The following MAD1L1 variants were observed in gnomAD, a reference collection of about 807,000 sequenced individuals.
MAD1L1 encodes mitotic arrest deficient 1 like 1.
A neutral mutation model predicts 96.9 loss-of-function variants in MAD1L1; 95 were observed. That is an observed-to-expected ratio of 0.98 (90% CI 0.83 to 1.16). MAD1L1 has a LOEUF of 1.16. Ranked by LOEUF, MAD1L1 falls within the 50% of genes most tolerant of loss-of-function variation. The pLI is 0.00. For missense variants in MAD1L1, 1,007 were observed against 954.4 expected, an observed-to-expected ratio of 1.06 and a Z score of -0.73; for synonymous variants, 473 against 396.6, an observed-to-expected ratio of 1.19 and a Z score of -2.29.
intron 10 of MAD1L1, among the ~76,000 whole-genome samples, chr7:2,199,851 A>G (rs1411456153): frequency 1.3e-5 from 2 of 152,254 alleles, no homozygotes; most frequent in Non-Finnish European, 2.9e-5. Flanking sequence ...CATGCTGGCC[A>G]GCAGGGCCCA....
intron 13 of MAD1L1, among the ~76,000 whole-genome samples, chr7:2,007,972 T>C (rs1782111248): frequency 6.6e-6 from 1 of 152,208 alleles, no homozygotes; most frequent in Non-Finnish European, 1.5e-5. Context: ...ACACAGCAAC[T>C]GCAGGACTCT....
At chr7:2,047,747 G>A (rs139175105) in intron 12 of MAD1L1, among the ~76,000 whole-genome samples, 1 of 151,808 alleles carries the variant, frequency 6.6e-6, no homozygotes, top group Non-Finnish European at 1.5e-5. Flanking sequence ...GCACAGACAT[G>A]CACACTCACA....
intron 18 of MAD1L1, among the ~76,000 whole-genome samples, chr7:1,859,712 C>T (rs1373963053): frequency 6.6e-6 from 1 of 152,178 alleles, no homozygotes; most frequent in Non-Finnish European, 1.5e-5. Flanking sequence ...CCCTGCAGGG[C>T]TCCCTCTGTT....
intron 11 of MAD1L1, among the ~76,000 whole-genome samples, chr7:2,110,857 C>T (rs192709420): frequency 6.6e-6 from 1 of 152,302 alleles, no homozygotes; most frequent in East Asian, 1.9e-4. Context: ...CGTCTGCGCT[C>T]AGACCCCACC....
intron 17 of MAD1L1, among the ~76,000 whole-genome samples, chr7:1,925,087 C>T (rs1789015791): frequency 6.6e-6 from 1 of 152,030 alleles, no homozygotes; most frequent in Admixed American, 6.6e-5. Context: ...TAAAATGTAC[C>T]TAAATCCAAA....
rs370940485 is a variant in MAD1L1, at chr7:1,957,684, C to T, written c.1541G>A (p.Arg514Gln). The T allele has an allele frequency of 5.3e-5, 85 of 1,614,142 alleles. 2 individuals are homozygous for T. The South Asian group carries it at 7.4e-4, about 14-fold the overall frequency. The change falls in exon 16 of 19, where the codon CGG becomes CAG. Residue 514 changes from arginine (R) to glutamine (Q), a missense_variant. By Grantham distance (43) the Arg-to-Gln change is conservative (BLOSUM62 1). Transcript: ENST00000265854. ...KVEELEGERS[R>Q]LEEEKRMLEA... ...CAGCATCCTCTTTTCCTCCTCCAGC[C>T]GACTCCGCTCGCCTTCCAGCTCCTC... is the stretch of plus-strand genomic sequence containing the variant.
At chr7:1,955,872 C>T (rs1198944861) in intron 16 of MAD1L1, among the ~76,000 whole-genome samples, 1 of 151,874 alleles carries the variant, frequency 6.6e-6, no homozygotes, top group Middle Eastern at 3.2e-3. Context: ...GACTTGTGAC[C>T]TAAGTAGCTG....
chr7:1,875,832 T>A (rs1483741605), intron 18 of MAD1L1, among the ~76,000 whole-genome samples: 1 of 152,178 alleles, frequency 6.6e-6, no homozygotes, highest in African/African-American at 2.4e-5. Context: ...TGACTGTATT[T>A]GGAAATAGGA....
At chr7:2,081,354 C>T (rs989332136) in intron 11 of MAD1L1, among the ~76,000 whole-genome samples, 2 of 152,300 alleles carry the variant, frequency 1.3e-5, no homozygotes, top group Admixed American at 6.5e-5. Flanking sequence ...CAAACTGACG[C>T]GTAAAGGAAC....
At position 2,101,860 on chromosome 7, in the gene MAD1L1, C is replaced by G. The variant is rs563828962; in HGVS notation, c.1074-32522G>C. ...CACCATCACAGCCCAAGCTGGCCCA[C>G]GCCTGACACATGCTGGATAAACACA... is the stretch of plus-strand genomic sequence containing the variant. On this transcript the variant is annotated intron_variant, in intron 11 of 18. Transcript: ENST00000265854. 7.9e-5 allele frequency among the ~76,000 whole-genome samples: 12 copies of G among 152,292 alleles called. No individual in the cohort carries two copies. In the South Asian group the frequency reaches 2.5e-3, roughly 32 times the overall value.
intron 10 of MAD1L1, among the ~76,000 whole-genome samples, chr7:2,205,805 T>A (rs964746450): frequency 1.3e-5 from 2 of 152,190 alleles, no homozygotes; most frequent in Admixed American, 6.5e-5. Flanking sequence ...TTCATGTCCT[T>A]ATTTACCACC....
chr7:2,227,465 CAT>C (rs908342578), intron 3 of MAD1L1, among the ~76,000 whole-genome samples: 13 of 152,146 alleles, frequency 8.5e-5, no homozygotes, highest in African/African-American at 3.1e-4. Context: ...GGGGTGGTCA[CAT>C]GTGTCTGCTG....
At chr7:2,188,813 CA>C (rs530029722) in intron 10 of MAD1L1, among the ~76,000 whole-genome samples, 59 of 145,032 alleles carry the variant, frequency 4.1e-4, no homozygotes, top group Admixed American at 1.6e-3. Flanking sequence ...CAGATAACAG[CA>C]AAAAAAAAAT....
intron 16 of MAD1L1, among the ~76,000 whole-genome samples, chr7:1,951,061 G>A (rs142134735): frequency 3.6e-4 from 55 of 152,374 alleles, no homozygotes; most frequent in African/African-American, 1.2e-3. Context: ...TCCCAGACAC[G>A]TGGGCTTCAC....
intron 18 of MAD1L1, among the ~76,000 whole-genome samples, chr7:1,883,681 G>A (rs1461334022): frequency 1.3e-5 from 2 of 152,196 alleles, no homozygotes; most frequent in South Asian, 2.1e-4. Flanking sequence ...CTGGGGTCGC[G>A]GGGTCCAAAG....
intron 11 of MAD1L1, among the ~76,000 whole-genome samples, chr7:2,104,884 A>G (rs1787007994): frequency 6.6e-6 from 1 of 152,164 alleles, no homozygotes; most frequent in South Asian, 2.1e-4. Context: ...CCAACGTGCA[A>G]TGCAGGGTAG....
At chr7:2,052,667 A>G (rs1210926565) in intron 12 of MAD1L1, among the ~76,000 whole-genome samples, 1 of 152,210 alleles carries the variant, frequency 6.6e-6, no homozygotes, top group African/African-American at 2.4e-5. Flanking sequence ...TTTTTAAACA[A>G]ATATGCACGT....
In MAD1L1 at chr7:2,215,292, C is replaced by T. The variant is rs1793204187; in HGVS notation, c.924+593G>A. On this transcript the variant is annotated intron_variant, in intron 9 of 18. Transcript: ENST00000265854. Reference sequence around the variant, plus strand: ...ACTCAGGAGGCTGAGGCAGGAGACTCGCTTGTACCCGGGAGGCGGAGGTTG... The same window carrying T: ...ACTCAGGAGGCTGAGGCAGGAGACTTGCTTGTACCCGGGAGGCGGAGGTTG... Among the ~76,000 whole-genome samples the T allele has an allele frequency of 2.7e-5, 4 of 149,294 alleles. No individual in the cohort carries two copies. The South Asian group carries it at 8.5e-4, about 32-fold the overall frequency.
chr7:2,057,041 C>A (rs537010326), intron 12 of MAD1L1, among the ~76,000 whole-genome samples: 1 of 152,220 alleles, frequency 6.6e-6, no homozygotes, highest in Non-Finnish European at 1.5e-5. Flanking sequence ...ACCGGCTTCC[C>A]ACACCCTCCC....
Sources: allele counts gnomAD v4.1 joint callset (sites outside exome capture counted in the v4.1 genomes callset), GRCh38; gene constraint gnomAD v4.1.1; transcripts MANE v1.5; gene names NCBI Gene and HGNC (gene_info 2026-07-23, HGNC 2026-07-21).